FGF10: variants seen among roughly 807,000 people sequenced by gnomAD.
FGF10 encodes the protein fibroblast growth factor 10.
FGF10 carries 2 observed loss-of-function variants against 19.8 expected under a neutral mutation model. That is an observed-to-expected ratio of 0.10 (90% CI 0.04 to 0.32). The LOEUF (loss-of-function observed/expected upper bound fraction) is 0.32, where lower values mean the gene tolerates loss of function less well. Among genes scored for constraint, FGF10 ranks in the 10% least tolerant of loss-of-function variants. The probability of loss-of-function intolerance (pLI) is 1.00; values close to 1 mark genes in which losing one functional copy is unlikely to be tolerated. For missense variants in FGF10, 191 were observed against 246.3 expected, an observed-to-expected ratio of 0.78 and a Z score of 1.50; for synonymous variants, 112 against 94.0, an observed-to-expected ratio of 1.19 and a Z score of -1.10.
At chr5:44,346,053 T>C (rs1423568263) in intron 1 of FGF10, among the ~76,000 whole-genome samples, 1 of 151,816 alleles carries the variant, frequency 6.6e-6, no homozygotes, top group African/African-American at 2.4e-5. Context: ...CCCTTGAAAT[T>C]CTAATAGTGA....
At position 44,388,568 on chromosome 5, in the gene FGF10, C is replaced by A; in HGVS notation, c.115G>T (p.Ala39Ser). Reference protein sequence around the residue: ...LVSSVPVTCQALGQDMVSPEA... With the variant: ...LVSSVPVTCQSLGQDMVSPEA... ...GGTGACACCATGTCCTGACCAAGGG[C>A]TTGGCAGGTGACAGGGACGGAAGAC... Residue 39 changes from alanine to serine, a missense_variant, in exon 1 of 3, where the codon GCC (alanine) becomes TCC (serine). Around this residue, in one of 2 missense-constraint regions of FGF10, gnomAD observed 92 missense variants for 84.6 expected, o/e 1.09. Transcript: ENST00000264664. The A allele has an allele frequency of 6.2e-7, 1 of 1,614,130 alleles. No homozygotes were observed.
At chr5:44,335,759 A>G (rs1231660581) in intron 1 of FGF10, among the ~76,000 whole-genome samples, 1 of 152,080 alleles carries the variant, frequency 6.6e-6, no homozygotes, top group Admixed American at 6.6e-5. Context: ...GAAAGTACAT[A>G]TTGAAAATGA....
intron 1 of FGF10, among the ~76,000 whole-genome samples, chr5:44,362,921 C>T (rs192611931): frequency 9.9e-5 from 15 of 151,732 alleles, no homozygotes; most frequent in Non-Finnish European, 1.8e-4. Context: ...TGTGTTTATG[C>T]GTCTGTCTCT....
At chr5:44,340,646 G>C (rs1394344534) in intron 1 of FGF10, among the ~76,000 whole-genome samples, 1 of 151,952 alleles carries the variant, frequency 6.6e-6, no homozygotes, top group African/African-American at 2.4e-5. Flanking sequence ...TAGGACAGCA[G>C]AGTGTTACTT....
At chr5:44,327,120 G>A (rs1740632626) in intron 1 of FGF10, among the ~76,000 whole-genome samples, 1 of 152,134 alleles carries the variant, frequency 6.6e-6, no homozygotes, top group African/African-American at 2.4e-5. Flanking sequence ...TCCAGCCTGA[G>A]GCTGAATCCT....
intron 1 of FGF10, among the ~76,000 whole-genome samples, chr5:44,348,496 C>T (rs1741136953): frequency 6.6e-6 from 1 of 151,322 alleles, no homozygotes; most frequent in Non-Finnish European, 1.5e-5. Context: ...TTGTGTTCAC[C>T]AGACCTTCTG....
chr5:44,383,449 A>G (rs1452881461), intron 1 of FGF10, among the ~76,000 whole-genome samples: 1 of 152,072 alleles, frequency 6.6e-6, no homozygotes, highest in African/African-American at 2.4e-5. Flanking sequence ...AACTGCTTTT[A>G]AAGAGTCATT....
Position 44,317,519 on chromosome 5 carries a change from C to A in FGF10, c.326-6989G>T, listed in dbSNP as rs577400395. ...TAACATTAAAAGTATCAGAAACTTA[C>A]AATGCAATATAGGGACAATATTCTT... On this transcript the variant is annotated intron_variant, in intron 1 of 2. Transcript: ENST00000264664. Among the ~76,000 whole-genome samples the A allele has an allele frequency of 1.4e-4, 22 of 152,166 alleles. No homozygotes were observed. In the South Asian group the frequency reaches 4.6e-3, roughly 32 times the overall value.
At chr5:44,347,309 G>A (rs1741110265) in intron 1 of FGF10, among the ~76,000 whole-genome samples, 1 of 151,560 alleles carries the variant, frequency 6.6e-6, no homozygotes, top group African/African-American at 2.4e-5. Context: ...AGTTACATAT[G>A]GGATCAAGTC....
At chr5:44,309,041 C>T in intron 2 of FGF10, among the ~76,000 whole-genome samples, 1 of 152,108 alleles carries the variant, frequency 6.6e-6, no homozygotes, top group Non-Finnish European at 1.5e-5. Flanking sequence ...TTATGCTAAT[C>T]AACAAAGTAA....
chr5:44,311,826 A>G (rs1460130509), intron 1 of FGF10, among the ~76,000 whole-genome samples: 4 of 152,086 alleles, frequency 2.6e-5, no homozygotes, highest in African/African-American at 7.2e-5. Flanking sequence ...ACCATCCCCA[A>G]TGCAGTCTAC....
chr5:44,319,579 C>T (rs1396541191), intron 1 of FGF10, among the ~76,000 whole-genome samples: 2 of 152,092 alleles, frequency 1.3e-5, no homozygotes, highest in East Asian at 1.9e-4. Flanking sequence ...GCTGTAGGCT[C>T]ACTTTGAACA....
intron 1 of FGF10, among the ~76,000 whole-genome samples, chr5:44,368,910 C>T (rs1741682185): frequency 6.6e-6 from 1 of 152,088 alleles, no homozygotes; most frequent in Non-Finnish European, 1.5e-5. Flanking sequence ...TGAAGCAATC[C>T]TCCTGCTTTG....
intron 1 of FGF10, among the ~76,000 whole-genome samples, chr5:44,365,569 A>G (rs767946972): frequency 6.6e-6 from 1 of 151,886 alleles, no homozygotes; most frequent in South Asian, 2.1e-4. Context: ...TTTTTCCCCT[A>G]CATGCCCTAA....
chr5:44,361,107 A>G (rs915212924), intron 1 of FGF10, among the ~76,000 whole-genome samples: 5 of 151,682 alleles, frequency 3.3e-5, no homozygotes, highest in Non-Finnish European at 7.4e-5. Context: ...TAAACATTTT[A>G]TATGATAAGA....
Position 44,349,017 on chromosome 5 carries a change from T to C in FGF10, c.326-38487A>G, listed in dbSNP as rs551425935. 2.6e-5 allele frequency among the ~76,000 whole-genome samples: 4 copies of C among 151,618 alleles called. No homozygotes were observed. The East Asian group carries it at 7.8e-4, about 30-fold the overall frequency. On this transcript the variant is annotated intron_variant, in intron 1 of 2. Coordinates refer to ENST00000264664, the MANE Select transcript of FGF10 (RefSeq NM_004465.2). ...TTTAATGTTTCCTTCCAAAACTCGTTCAAGAAATTTATGAACACAGCAGAC... is the reference window on the plus strand; with the variant it reads ...TTTAATGTTTCCTTCCAAAACTCGTCCAAGAAATTTATGAACACAGCAGAC...
At chr5:44,358,242 T>C (rs189394001) in intron 1 of FGF10, among the ~76,000 whole-genome samples, 1 of 151,660 alleles carries the variant, frequency 6.6e-6, no homozygotes, top group Admixed American at 6.6e-5. Flanking sequence ...ATAGCACTTC[T>C]GCAGGTTAGG....
At chr5:44,348,969 A>G (rs943654542) in intron 1 of FGF10, among the ~76,000 whole-genome samples, 1 of 151,542 alleles carries the variant, frequency 6.6e-6, no homozygotes, top group Non-Finnish European at 1.5e-5. Context: ...CACTAGTTGC[A>G]TGGTGAACCA....
intron 2 of FGF10, among the ~76,000 whole-genome samples, chr5:44,309,291 C>A (rs1230559281): frequency 6.6e-6 from 1 of 152,092 alleles, no homozygotes; most frequent in Non-Finnish European, 1.5e-5. Flanking sequence ...ATTCAGTTAG[C>A]ATCCCCTTGA....
Sources: gnomAD v4.1 joint callset for allele counts (sites outside exome capture counted in the v4.1 genomes callset) on GRCh38, gnomAD v4.1.1 for gene constraint, gnomAD v4.1.1 regional missense constraint, MANE v1.5 for transcripts, NCBI Gene and HGNC (gene_info 2026-07-23, HGNC 2026-07-21) for gene names.